The following SLC16A12 variants were observed in gnomAD, a reference collection of about 807,000 sequenced individuals.
SLC16A12 encodes monocarboxylate transporter 12.
In SLC16A12, 17 loss-of-function variants were observed where a neutral mutation model predicts 42.4. The ratio of observed to expected loss-of-function variants is 0.40; its 90% CI spans 0.27 to 0.60. SLC16A12 has a LOEUF of 0.60. SLC16A12 is among the 20% of genes least tolerant of loss of function. The probability of loss-of-function intolerance (pLI) is 0.42; values close to 1 mark genes in which losing one functional copy is unlikely to be tolerated. For synonymous variants in SLC16A12, 224 were observed against 229.4 expected (o/e 0.98, Z 0.21); for missense variants, 544 against 623.0 (o/e 0.87, Z 1.35).
At chr10:89,464,643 A>G (rs1023508200) in intron 2 of SLC16A12, among the ~76,000 whole-genome samples, 1 of 152,246 alleles carries the variant, frequency 6.6e-6, no homozygotes, top group African/African-American at 2.4e-5. Flanking sequence ...TGTCTAATAA[A>G]AAACATTTAC....
intron 2 of SLC16A12, among the ~76,000 whole-genome samples, chr10:89,551,741 T>G (rs2133891097): frequency 6.6e-6 from 1 of 152,340 alleles, no homozygotes. Context: ...TCATTTTCTC[T>G]GGCCACCACC....
intron 2 of SLC16A12, among the ~76,000 whole-genome samples, chr10:89,465,360 G>C (rs1842375580): frequency 6.6e-6 from 1 of 152,146 alleles, no homozygotes; most frequent in African/African-American, 2.4e-5. Flanking sequence ...CACACCAGTA[G>C]GATGATGTGA....
intron 2 of SLC16A12, among the ~76,000 whole-genome samples, chr10:89,501,905 A>T (rs1400742044): frequency 6.6e-6 from 1 of 152,184 alleles, no homozygotes; most frequent in Non-Finnish European, 1.5e-5. Flanking sequence ...ATGTTATTTC[A>T]TGGCTGGATT....
At chr10:89,475,887 T>C (rs1252887212) in intron 2 of SLC16A12, among the ~76,000 whole-genome samples, 3 of 152,124 alleles carry the variant, frequency 2.0e-5, no homozygotes, top group Non-Finnish European at 4.4e-5. Flanking sequence ...GAAAGCAAAA[T>C]TCTTTCCCAC....
intron 2 of SLC16A12, among the ~76,000 whole-genome samples, chr10:89,492,057 T>A (rs1029986675): frequency 6.6e-6 from 1 of 152,202 alleles, no homozygotes; most frequent in Non-Finnish European, 1.5e-5. Context: ...AAATAAGTTA[T>A]GACGAGGAGG....
rs1843210601 is a variant in SLC16A12 at position 89,514,265 on chromosome 10, A to G, written c.-47+20236T>C. 1.3e-5 allele frequency among the ~76,000 whole-genome samples: 2 copies of G among 152,218 alleles called. 1 individual carries two copies. The highest frequency in any genetic ancestry group is 1.3e-4 in the Admixed American group (2 of 15,282). ...AAGAGGCGGTTGCAAGGAAATTGAGAAAGTGTGGCCAGAAAGATAAAGAGC... is the reference window on the plus strand; with the variant it reads ...AAGAGGCGGTTGCAAGGAAATTGAGGAAGTGTGGCCAGAAAGATAAAGAGC... On this transcript the variant is annotated intron_variant, in intron 2 of 7. Coordinates refer to ENST00000371790, the MANE Select transcript of SLC16A12 (RefSeq NM_213606.4).
At chr10:89,500,918 A>G (rs1842983905) in intron 2 of SLC16A12, among the ~76,000 whole-genome samples, 3 of 152,238 alleles carry the variant, frequency 2.0e-5, no homozygotes, top group South Asian at 4.1e-4. Context: ...GAAAGCTCCT[A>G]GAACTGATAA....
intron 2 of SLC16A12, among the ~76,000 whole-genome samples, chr10:89,501,059 A>T (rs751450818): frequency 2.0e-5 from 3 of 152,140 alleles, no homozygotes; most frequent in Non-Finnish European, 2.9e-5. Context: ...CAAAAACAAA[A>T]AACAAAAAAA....
chr10:89,487,282 C>T (rs1282749198), intron 2 of SLC16A12, among the ~76,000 whole-genome samples: 1 of 152,094 alleles, frequency 6.6e-6, no homozygotes, highest in African/African-American at 2.4e-5. Flanking sequence ...AGATTAACAT[C>T]ATCATAGTGT....
chr10:89,447,506 T>C (rs1406806363), intron 3 of SLC16A12, among the ~76,000 whole-genome samples: 1 of 152,244 alleles, frequency 6.6e-6, no homozygotes, highest in African/African-American at 2.4e-5. Context: ...CCTGTATGAC[T>C]ACTGGGTAAA....
chr10:89,463,623 A>G (rs1364976861), intron 2 of SLC16A12, among the ~76,000 whole-genome samples: 2 of 152,246 alleles, frequency 1.3e-5, no homozygotes, highest in African/African-American at 2.4e-5. Flanking sequence ...AATTTCGTTA[A>G]TTTGTCTAAA....
Position 89,482,250 on chromosome 10 carries a change from A to G in SLC16A12, c.-46-19626T>C, listed in dbSNP as rs182254286. Reference sequence around the variant, plus strand: ...CAAGAATACACCAAAAAAAAAAAAAAAAGAAGAAGAAAAGAAAAAAAGGCT... The same window carrying G: ...CAAGAATACACCAAAAAAAAAAAAAGAAGAAGAAGAAAAGAAAAAAAGGCT... On this transcript the variant is annotated intron_variant, in intron 2 of 7. Coordinates refer to ENST00000371790, the MANE Select transcript of SLC16A12 (RefSeq NM_213606.4). Among the ~76,000 whole-genome samples, 564 of 151,144 alleles carry G rather than the reference A, an allele frequency of 3.7e-3. 2 individuals carry two copies. Among genetic ancestry groups the G allele is most frequent in the African/African-American group, 0.013 (538 of 40,944 alleles).
At chr10:89,537,938 T>C, upstream of SLC16A12, among the ~76,000 whole-genome samples, 1 of 152,246 alleles carries the variant, frequency 6.6e-6, no homozygotes, top group East Asian at 1.9e-4. Flanking sequence ...AGGATGATTT[T>C]CATCCTTTAC....
intron 2 of SLC16A12, among the ~76,000 whole-genome samples, chr10:89,529,625 G>A (rs558051382): frequency 2.0e-5 from 3 of 148,222 alleles, no homozygotes; most frequent in Non-Finnish European, 3.0e-5. Context: ...TCGGCTCACT[G>A]CAACCTACAC....
chr10:89,442,259 A>G lies in SLC16A12; in HGVS notation c.305-1008T>C, dbSNP rs112172322. Among the ~76,000 whole-genome samples, 135 of 152,304 alleles carry G rather than the reference A, an allele frequency of 8.9e-4. 1 individual carries two copies. Among genetic ancestry groups the G allele is most frequent in the African/African-American group, 3.2e-3 (132 of 41,570 alleles). ...CATGTGATTCTGCAGACTCTCATCC[A>G]TACTCTGAACTTTAATGTTCTAATA... On this transcript the variant is annotated intron_variant, in intron 4 of 7. Transcript: ENST00000371790.
At chr10:89,522,759 G>C (rs1293627706) in intron 2 of SLC16A12, among the ~76,000 whole-genome samples, 2 of 152,072 alleles carry the variant, frequency 1.3e-5, no homozygotes, top group Non-Finnish European at 2.9e-5. Flanking sequence ...TAACCTCTCT[G>C]TACTTTAGTT....
intron 2 of SLC16A12, among the ~76,000 whole-genome samples, chr10:89,486,269 TA>T (rs1842739965): frequency 6.6e-6 from 1 of 151,780 alleles, no homozygotes; most frequent in African/African-American, 2.4e-5. Context: ...TTTTCTTATC[TA>T]AAAAAAGAAA....
At chr10:89,512,194 G>A (rs1316096824) in intron 2 of SLC16A12, among the ~76,000 whole-genome samples, 5 of 152,324 alleles carry the variant, frequency 3.3e-5, no homozygotes. Context: ...CAGAGTTTCA[G>A]TATGGGAAGA....
chr10:89,436,020 A>G (rs377192785), intron 7 of SLC16A12, 40 bp downstream of exon 7: 8 of 1,612,404 alleles, frequency 5.0e-6, no homozygotes, highest in Admixed American at 1.7e-5. Flanking sequence ...TCAATATGCC[A>G]AAGAGAAAAG....
Sources: gnomAD v4.1 joint callset for allele counts (sites outside exome capture counted in the v4.1 genomes callset) on GRCh38, gnomAD v4.1.1 for gene constraint, MANE v1.5 for transcripts, NCBI Gene and HGNC (gene_info 2026-07-23, HGNC 2026-07-21) for gene names.